LOXL2: variants seen among roughly 807,000 people sequenced by gnomAD.
LOXL2 encodes the protein lysyl oxidase homolog 2.
Under a neutral mutation model 93.0 loss-of-function variants are expected in LOXL2, and 70 were observed. That is an observed-to-expected ratio of 0.75 (90% CI 0.62 to 0.92). LOXL2 has a LOEUF of 0.92. LOXL2 is among the 40% of genes least tolerant of loss of function. The pLI, the probability that LOXL2 is intolerant of heterozygous loss-of-function variation, is 0.00. For synonymous variants in LOXL2, 438 were observed against 413.2 expected (o/e 1.06, Z -0.73); for missense variants, 973 against 1,054.9 (o/e 0.92, Z 1.08).
intron 1 of LOXL2, among the ~76,000 whole-genome samples, chr8:23,400,560 C>T (rs888099372): frequency 1.3e-5 from 2 of 152,194 alleles, no homozygotes. Flanking sequence ...TGCATATCTT[C>T]ATTGGTCAAA....
At chr8:23,352,650 T>TA (rs1268967741) in intron 3 of LOXL2, among the ~76,000 whole-genome samples, 1 of 151,894 alleles carries the variant, frequency 6.6e-6, no homozygotes, top group Non-Finnish European at 1.5e-5. Flanking sequence ...CCAAGGCATT[T>TA]AAAAAATTCA....
intron 1 of LOXL2, among the ~76,000 whole-genome samples, chr8:23,383,743 C>T (rs1472749023): frequency 1.4e-5 from 2 of 144,726 alleles, no homozygotes; most frequent in Middle Eastern, 3.4e-3. Flanking sequence ...TCACTGCAAG[C>T]TCTGCCTCCC....
chr8:23,322,973 C>G (rs1803519382), intron 6 of LOXL2, among the ~76,000 whole-genome samples: 1 of 152,218 alleles, frequency 6.6e-6, no homozygotes, highest in South Asian at 2.1e-4. Flanking sequence ...AAGGTCACAA[C>G]AGGTGCTCTG....
chr8:23,349,462 C>A (rs1326855852), intron 3 of LOXL2, among the ~76,000 whole-genome samples: 1 of 152,008 alleles, frequency 6.6e-6, no homozygotes, highest in Non-Finnish European at 1.5e-5. Flanking sequence ...TGTGTGAGAC[C>A]CTAAAAGGAC....
chr8:23,383,658 T>G (rs1804711853), intron 1 of LOXL2, among the ~76,000 whole-genome samples: 1 of 15,496 alleles, frequency 6.5e-5, no homozygotes, highest in African/African-American at 6.0e-4. Flanking sequence ...TTTTTTTTTG[T>G]TTTTTTTTTT....
At chr8:23,346,128 AAAAT>A (rs1803971757) in intron 3 of LOXL2, among the ~76,000 whole-genome samples, 1 of 37,986 alleles carries the variant, frequency 2.6e-5, no homozygotes. Flanking sequence ...AAAATAAAAT[AAAAT>A]AAAATAAAAT....
At chr8:23,316,831 C>A (rs1803410421) in intron 9 of LOXL2, 118 bp downstream of exon 9, 5 of 1,060,114 alleles carry the variant, frequency 4.7e-6, no homozygotes, top group Non-Finnish European at 6.5e-6. Context: ...CTTAGGATTT[C>A]ATTCTACCTT....
chr8:23,349,284 T>C (rs1296193945), intron 3 of LOXL2, among the ~76,000 whole-genome samples: 2 of 152,198 alleles, frequency 1.3e-5, no homozygotes, highest in Admixed American at 1.3e-4. Context: ...TTGACCACAG[T>C]GCATTCAAGG....
At chr8:23,399,408 G>T (rs1345267456) in intron 1 of LOXL2, among the ~76,000 whole-genome samples, 2 of 152,230 alleles carry the variant, frequency 1.3e-5, no homozygotes, top group African/African-American at 4.8e-5. Flanking sequence ...CCTTTAAGAA[G>T]TGGTTGAATC....
intron 10 of LOXL2, among the ~76,000 whole-genome samples, chr8:23,305,819 G>GT (rs11348844): frequency 0.016 from 2,393 of 148,602 alleles, 51 homozygotes; most frequent in African/African-American, 0.054. Flanking sequence ...TTTTGTTTTT[G>GT]TTTTTTTTTT....
At chr8:23,317,262 C>A in intron 8 of LOXL2, 148 bp from the exon 9 acceptor site, 1 of 829,980 alleles carries the variant, frequency 1.2e-6, no homozygotes, top group Non-Finnish European at 2.0e-6. Flanking sequence ...CCTATCCAAG[C>A]TGTGCAGTTA....
In LOXL2 at chr8:23,363,238, G is replaced by A. The variant is rs891280440; in HGVS notation, c.356-2973C>T. The A allele has an allele frequency of 1.1e-4, 17 of 152,220 alleles. 1 individual carries two copies. The highest frequency in any genetic ancestry group is 8.8e-5 in the Non-Finnish European group (6 of 68,034). 9.4% of individuals were successfully genotyped at this position (152,220 alleles called of 1,614,324 possible). On this transcript the variant is annotated intron_variant, in intron 2 of 13. Transcript: ENST00000389131. ...AAGGAAAGAAACGGAGGCTCTTCAAGGTCGATAAGCACCCCGGGGCCAGTC... is the reference window on the plus strand; with the variant it reads ...AAGGAAAGAAACGGAGGCTCTTCAAAGTCGATAAGCACCCCGGGGCCAGTC...
intron 9 of LOXL2, among the ~76,000 whole-genome samples, chr8:23,315,528 A>G (rs1803380871): frequency 1.3e-5 from 2 of 152,172 alleles, no homozygotes; most frequent in Admixed American, 1.3e-4. Flanking sequence ...ATCTGACGGC[A>G]TGGCTCATCT....
intron 3 of LOXL2, among the ~76,000 whole-genome samples, chr8:23,342,382 TC>T (rs1213187711): frequency 5.3e-5 from 8 of 151,182 alleles, no homozygotes; most frequent in Non-Finnish European, 1.2e-4. Flanking sequence ...AGTTCCTGCC[TC>T]CGTCTGTCTG....
chr8:23,313,498 C>A (rs947005974), intron 9 of LOXL2, among the ~76,000 whole-genome samples: 2 of 151,552 alleles, frequency 1.3e-5, no homozygotes, highest in African/African-American at 4.9e-5. Context: ...CGCTGCATAT[C>A]TACAACTATC....
At chr8:23,314,958 G>A (rs1803370987) in intron 9 of LOXL2, among the ~76,000 whole-genome samples, 1 of 152,188 alleles carries the variant, frequency 6.6e-6, no homozygotes, top group Non-Finnish European at 1.5e-5. Flanking sequence ...GATGGGAGGG[G>A]GTGGCCAGCG....
Position 23,309,715 on chromosome 8 carries a change from G to A in LOXL2, c.1833C>T (p.Phe611=), listed in dbSNP as rs1803291611. 1 of 1,574,514 alleles carries A rather than the reference G, an allele frequency of 6.4e-7. No individual in the cohort carries two copies. The highest frequency in any genetic ancestry group is 8.6e-7 in the Non-Finnish European group (1 of 1,159,280). The change falls in exon 10 of 14, where the codon TTC becomes TTT. Residue 611 remains phenylalanine (F), a synonymous_variant. Transcript: ENST00000389131. ...SQIHNNGQSD[F]RPKNGRHAWI... is the part of the protein sequence containing the mutation. ...ACGCGTGGCGGCCGTTCTTGGGCCG[G>A]AAGTCGGACTGGCCATTGTTGTGGA...
At chr8:23,370,112 C>T (rs777203929) in intron 1 of LOXL2, among the ~76,000 whole-genome samples, 3 of 152,116 alleles carry the variant, frequency 2.0e-5, no homozygotes, top group Admixed American at 1.3e-4. Flanking sequence ...ATGTGTGGCA[C>T]GTGCCTACCT....
chr8:23,367,316 T>C (rs1804419086), intron 2 of LOXL2, among the ~76,000 whole-genome samples: 1 of 152,176 alleles, frequency 6.6e-6, no homozygotes, highest in African/African-American at 2.4e-5. Context: ...CCCAAAGTGC[T>C]GGGATTACAG....
Sources: gnomAD v4.1 joint callset for allele counts (sites outside exome capture counted in the v4.1 genomes callset) on GRCh38, gnomAD v4.1.1 for gene constraint, MANE v1.5 for transcripts, NCBI Gene and HGNC (gene_info 2026-07-23, HGNC 2026-07-21) for gene names.